ITFG1: variants seen among roughly 807,000 people sequenced by gnomAD.
ITFG1 encodes T-cell immunomodulatory protein.
Under a neutral mutation model 81.8 loss-of-function variants are expected in ITFG1, and 34 were observed. The ratio of observed to expected loss-of-function variants is 0.42; its 90% CI spans 0.32 to 0.55. The LOEUF is 0.55. ITFG1 is among the 20% of genes least tolerant of loss of function. The pLI is 0.17. For missense variants in ITFG1, 672 were observed against 755.4 expected, an observed-to-expected ratio of 0.89 and a Z score of 1.29; for synonymous variants, 285 against 270.6, an observed-to-expected ratio of 1.05 and a Z score of -0.52.
intron 12 of ITFG1, among the ~76,000 whole-genome samples, chr16:47,244,447 G>C (rs148547279): frequency 1.3e-5 from 2 of 152,138 alleles, no homozygotes; most frequent in Non-Finnish European, 2.9e-5. Context: ...GTTGGTGTAC[G>C]GAGGGGGAAG....
intron 14 of ITFG1, among the ~76,000 whole-genome samples, chr16:47,207,702 A>G (rs1196210613): frequency 6.6e-6 from 1 of 152,176 alleles, no homozygotes; most frequent in Non-Finnish European, 1.5e-5. Flanking sequence ...CAGAGAGAGA[A>G]CAGAGATCCA....
chr16:47,407,354 A>G (rs746117466), intron 6 of ITFG1, among the ~76,000 whole-genome samples: 3 of 152,078 alleles, frequency 2.0e-5, no homozygotes, highest in Non-Finnish European at 4.4e-5. Context: ...GATGACTCCA[A>G]TGTTTTTTAT....
rs1965831729 is a variant in ITFG1, at chr16:47,232,911, G to GA, written c.1374+5053_1374+5054insT. Among the ~76,000 whole-genome samples, 8 of 152,036 alleles carry GA rather than the reference G, an allele frequency of 5.3e-5. No homozygotes were observed. In the South Asian group the frequency reaches 1.7e-3, roughly 32 times the overall value. On this transcript the variant is annotated intron_variant, in intron 13 of 17. Transcript: ENST00000320640. ...CTGCCTCGACCTCCCAAAGTGCTGG[G>GA]GTTACAAGCATAAACCACTGTGCCC...
At chr16:47,373,796 T>C (rs1466145279) in intron 7 of ITFG1, among the ~76,000 whole-genome samples, 7 of 152,326 alleles carry the variant, frequency 4.6e-5, no homozygotes, top group Non-Finnish European at 8.8e-5. Context: ...GTAAGAAGAT[T>C]TGTTGAGCTT....
At chr16:47,248,149 C>G (rs1966024347) in intron 12 of ITFG1, among the ~76,000 whole-genome samples, 1 of 152,172 alleles carries the variant, frequency 6.6e-6, no homozygotes, top group South Asian at 2.1e-4. Context: ...TTAGCTATTA[C>G]TGTTTTGTTT....
Position 47,439,579 on chromosome 16 carries a change from A to C in ITFG1, c.561-10681T>G, listed in dbSNP as rs536400489. ...TTCAACCCAGATTTTCAAATCCAGCAAAACTAAGCTTCATAAGTGAAGGAG... is the reference window on the plus strand; with the variant it reads ...TTCAACCCAGATTTTCAAATCCAGCCAAACTAAGCTTCATAAGTGAAGGAG... On this transcript the variant is annotated intron_variant, in intron 5 of 17. Transcript: ENST00000320640. Among the ~76,000 whole-genome samples, 368 of 152,290 alleles carry C rather than the reference A, an allele frequency of 2.4e-3. 2 individuals are homozygous for C. Among genetic ancestry groups the C allele is most frequent in the African/African-American group, 2.5e-3 (104 of 41,568 alleles).
chr16:47,454,619 A>G (rs954931938), intron 2 of ITFG1, among the ~76,000 whole-genome samples: 8 of 152,218 alleles, frequency 5.3e-5, no homozygotes, highest in Non-Finnish European at 1.2e-4. Context: ...GTAAAAATTA[A>G]AAGAATCATT....
chr16:47,158,641 CT>C (rs1039700426), intron 17 of ITFG1, among the ~76,000 whole-genome samples: 1 of 152,106 alleles, frequency 6.6e-6, no homozygotes, highest in African/African-American at 2.4e-5. Flanking sequence ...CTGCATCAAA[CT>C]TTTAAAGTAG....
intron 8 of ITFG1, among the ~76,000 whole-genome samples, chr16:47,337,540 A>C (rs2151576136): frequency 6.6e-6 from 1 of 152,358 alleles, no homozygotes; most frequent in East Asian, 1.9e-4. Context: ...ACTGCACTCC[A>C]GCCTGGGTGA....
Position 47,460,842 on chromosome 16 carries a change from C to T in ITFG1, c.204G>A (p.Arg68=). Residue 68 remains arginine (R), a synonymous_variant, in exon 1 of 18, where the codon CGG becomes CGA. Coordinates refer to ENST00000320640, the MANE Select transcript of ITFG1 (RefSeq NM_030790.5). The stretch of plus-strand genomic sequence containing the variant: ...GAGGGCCCGGCAAGCACTGACTTTC[C>T]CGCAGCACGAAGAGATCCGTCTGCT... The part of the protein sequence containing the change: ...SDKQTDLFVL[R]ERNDLIVFLA... The T allele has an allele frequency of 6.2e-7, 1 of 1,613,396 alleles. No homozygotes were observed. Among genetic ancestry groups the T allele is most frequent in the African/African-American group, 1.3e-5 (1 of 75,058 alleles).
chr16:47,233,772 T>C (rs1392840743), intron 13 of ITFG1, among the ~76,000 whole-genome samples: 2 of 152,206 alleles, frequency 1.3e-5, no homozygotes, highest in African/African-American at 4.8e-5. Context: ...ACAGGTTCAC[T>C]AAAAGAGTGA....
intron 8 of ITFG1, among the ~76,000 whole-genome samples, chr16:47,315,980 C>T (rs1036527384): frequency 1.3e-4 from 19 of 151,832 alleles, no homozygotes; most frequent in African/African-American, 3.6e-4. Context: ...CAGTAGAGTC[C>T]GAGTTTCGCC....
chr16:47,295,432 C>T (rs78535571), intron 10 of ITFG1, among the ~76,000 whole-genome samples: 16,456 of 152,166 alleles, frequency 0.11, 1,245 homozygotes, highest in Non-Finnish European at 0.15. Context: ...TCAGTCCACA[C>T]GGTCATGCAG....
intron 14 of ITFG1, among the ~76,000 whole-genome samples, chr16:47,174,570 G>C (rs912363086): frequency 6.6e-6 from 1 of 152,150 alleles, no homozygotes; most frequent in African/African-American, 2.4e-5. Context: ...GCCCAGGCTG[G>C]AGTGCAGTGG....
In ITFG1 at chr16:47,158,862, A is replaced by C; in HGVS notation, c.1779+11T>G. ...TTAACCAAAATTAATGCTTCCTTTA[A>C]ATGAACAAACCTTTTCCTGCCAATG... On this transcript the variant is annotated intron_variant, in intron 17 of 17. Coordinates refer to ENST00000320640, the MANE Select transcript of ITFG1 (RefSeq NM_030790.5). The C allele has an allele frequency of 7.0e-7, 1 of 1,438,456 alleles. No homozygotes were observed. The highest frequency in any genetic ancestry group is 9.7e-7 in the Non-Finnish European group (1 of 1,031,406). The allele number at this position is 1,438,456 out of a possible 1,614,324, so 89.1% of individuals were successfully genotyped here.
At chr16:47,312,661 C>T (rs539391147) in intron 9 of ITFG1, 1 of 152,202 alleles carries the variant, frequency 6.6e-6, no homozygotes, top group East Asian at 1.9e-4. Context: ...TCACAAAATG[C>T]CACGTTATCA....
chr16:47,452,940 G>T, intron 3 of ITFG1, 150 bp from the exon 4 acceptor site: 1 of 512,738 alleles, frequency 2.0e-6, no homozygotes, highest in Non-Finnish European at 3.4e-6. Flanking sequence ...TATAAATCTA[G>T]TTCAAATGAA....
intron 14 of ITFG1, among the ~76,000 whole-genome samples, chr16:47,191,777 A>G (rs1262165588): frequency 6.6e-6 from 1 of 152,108 alleles, no homozygotes; most frequent in Non-Finnish European, 1.5e-5. Flanking sequence ...GGCCTGCCCA[A>G]GTGCTGGGAT....
chr16:47,402,504 G>C (rs1968673977), intron 6 of ITFG1, among the ~76,000 whole-genome samples: 1 of 152,150 alleles, frequency 6.6e-6, no homozygotes, highest in Non-Finnish European at 1.5e-5. Context: ...ACTGTGCCCT[G>C]TTTGGATGTC....
Sources: gnomAD v4.1 joint callset for allele counts (sites outside exome capture counted in the v4.1 genomes callset) on GRCh38, gnomAD v4.1.1 for gene constraint, MANE v1.5 for transcripts, NCBI Gene and HGNC (gene_info 2026-07-23, HGNC 2026-07-21) for gene names.